ZC3H18: variants seen among roughly 807,000 people sequenced by gnomAD.
The protein encoded by ZC3H18 is zinc finger CCCH-type containing 18, also known as zinc finger CCCH domain-containing protein 18.
In ZC3H18, 8 loss-of-function variants were observed where a neutral mutation model predicts 106.1. The observed-to-expected ratio is 0.08, with a 90% CI of 0.04 to 0.14. ZC3H18 has a LOEUF of 0.14. Among genes scored for constraint, ZC3H18 ranks in the 10% least tolerant of loss-of-function variants. The pLI, the probability that ZC3H18 is intolerant of heterozygous loss-of-function variation, is 1.00. For missense variants in ZC3H18, 1,318 were observed against 1,278.4 expected (o/e 1.03, Z -0.47); for synonymous variants, 635 against 522.1 (o/e 1.22, Z -2.95).
At chr16:88,580,580 C>T (rs912701124) in intron 2 of ZC3H18, among the ~76,000 whole-genome samples, 2 of 152,152 alleles carry the variant, frequency 1.3e-5, no homozygotes, top group Admixed American at 6.5e-5. Context: ...CCAAGCCTGT[C>T]GTCCACTCTT....
intron 1 of ZC3H18, among the ~76,000 whole-genome samples, chr16:88,576,708 G>A (rs971957676): frequency 2.0e-5 from 3 of 152,162 alleles, no homozygotes; most frequent in Non-Finnish European, 4.4e-5. Flanking sequence ...TTGCTTCCTC[G>A]TTCCATGATA....
chr16:88,606,401 A>G (rs757644388), intron 6 of ZC3H18, among the ~76,000 whole-genome samples: 16 of 152,324 alleles, frequency 1.1e-4, no homozygotes, highest in Non-Finnish European at 1.9e-4. Context: ...CCTCATTCCT[A>G]TCCGCTCATC....
chr16:88,610,767 G>T (rs1905232180), intron 7 of ZC3H18, among the ~76,000 whole-genome samples: 2 of 152,242 alleles, frequency 1.3e-5, no homozygotes. Context: ...TGCTCCAGAG[G>T]CAGGGCATGT....
intron 8 of ZC3H18, among the ~76,000 whole-genome samples, chr16:88,616,528 G>A (rs561629976): frequency 5.9e-5 from 9 of 152,296 alleles, no homozygotes; most frequent in East Asian, 3.9e-4. Flanking sequence ...TGCCAGGCCC[G>A]CTACCTGCCT....
chr16:88,577,823 G>C, intron 2 of ZC3H18, 97 bp downstream of exon 2: 1 of 1,589,454 alleles, frequency 6.3e-7, no homozygotes, highest in Non-Finnish European at 8.5e-7. Context: ...GACTGACTTA[G>C]TGATTTGTTA....
intron 7 of ZC3H18, 173 bp downstream of exon 7, chr16:88,609,224 T>C (rs1905159009): frequency 6.6e-6 from 3 of 453,128 alleles, no homozygotes; most frequent in Non-Finnish European, 1.2e-5. Flanking sequence ...AGGCAGCGAT[T>C]ACATTAATGG....
intron 8 of ZC3H18, 42 bp downstream of exon 8, chr16:88,611,578 C>G: frequency 6.5e-7 from 1 of 1,539,812 alleles, no homozygotes; most frequent in Non-Finnish European, 8.8e-7. Context: ...GGGGGAGGTC[C>G]GGCATGCAGC....
At chr16:88,606,976 G>A (rs542720241) in intron 6 of ZC3H18, among the ~76,000 whole-genome samples, 1 of 152,310 alleles carries the variant, frequency 6.6e-6, no homozygotes, top group African/African-American at 2.4e-5. Context: ...CCCTGGAGGG[G>A]CGTCCAGGGA....
chr16:88,586,062 A>T (rs998708871), intron 2 of ZC3H18, among the ~76,000 whole-genome samples: 3 of 152,030 alleles, frequency 2.0e-5, no homozygotes, highest in African/African-American at 7.2e-5. Flanking sequence ...CCTGTGGGTG[A>T]GGCCCAGCTT....
intron 6 of ZC3H18, among the ~76,000 whole-genome samples, chr16:88,601,524 C>A (rs910496219): frequency 6.6e-6 from 1 of 151,954 alleles, no homozygotes; most frequent in Non-Finnish European, 1.5e-5. Flanking sequence ...TTTTGGAGTG[C>A]CCTCTGTGTG....
chr16:88,582,591 A>G (rs1915202366), intron 2 of ZC3H18, among the ~76,000 whole-genome samples: 1 of 152,104 alleles, frequency 6.6e-6, no homozygotes, highest in Non-Finnish European at 1.5e-5. Context: ...AAGTGCGCCC[A>G]TTCTATTGCC....
At chr16:88,572,781 G>A (rs1914492363) in intron 1 of ZC3H18, among the ~76,000 whole-genome samples, 1 of 151,554 alleles carries the variant, frequency 6.6e-6, no homozygotes, top group East Asian at 1.9e-4. Flanking sequence ...TTTTTGAAAC[G>A]GAGTCTCACT....
intron 1 of ZC3H18, among the ~76,000 whole-genome samples, chr16:88,575,195 T>A (rs1914671522): frequency 6.6e-6 from 1 of 151,970 alleles, no homozygotes; most frequent in South Asian, 2.1e-4. Flanking sequence ...AACTGTAGGT[T>A]GATACCAATT....
chr16:88,587,089 G>T (rs976494766), intron 3 of ZC3H18, among the ~76,000 whole-genome samples: 63 of 152,304 alleles, frequency 4.1e-4, no homozygotes, highest in African/African-American at 1.4e-3. Context: ...CGCTTTTCCT[G>T]CAAGATGTGT....
intron 13 of ZC3H18, chr16:88,626,319 A>C (rs1268819996): frequency 6.6e-6 from 1 of 152,160 alleles, no homozygotes; most frequent in East Asian, 1.9e-4. Context: ...TGGGAGGTCA[A>C]GGTTGAATGA....
chr16:88,575,043 A>T (rs548177568), intron 1 of ZC3H18, among the ~76,000 whole-genome samples: 11 of 149,552 alleles, frequency 7.4e-5, no homozygotes, highest in African/African-American at 2.2e-4. Flanking sequence ...GTTAGCCAGG[A>T]TGGTCTCGAT....
intron 8 of ZC3H18, among the ~76,000 whole-genome samples, chr16:88,613,004 AAATAAAAAG>A: frequency 6.6e-6 from 1 of 152,290 alleles, no homozygotes; most frequent in Admixed American, 6.5e-5. Flanking sequence ...TTCTGTCTCA[AAATAAAAAG>A]AAGAAACATT....
rs1904551722 is a variant in ZC3H18, at chr16:88,598,253, C to G, written c.764C>G (p.Thr255Ser). 6.2e-7 allele frequency: 1 copy of G among 1,613,700 alleles called. No individual in the cohort carries two copies. Among genetic ancestry groups the G allele is most frequent in the African/African-American group, 1.3e-5 (1 of 74,904 alleles). Residue 255 changes from threonine (T) to serine (S), a missense_variant, in exon 4 of 18, where the codon ACC (threonine) becomes AGC (serine). By Grantham distance (58) the Thr-to-Ser change is moderately conservative. Transcript: ENST00000301011. ...VNDKGNYSLI[T>S]KADPFPPNGA... ...GACAAGGGGAACTACTCCCTAATCA[C>G]CAAAGCCGACCCCTTCCCGCCTAAT...
chr16:88,586,711 C>T (rs753761398), intron 3 of ZC3H18, 27 bp downstream of exon 3: 12 of 1,605,054 alleles, frequency 7.5e-6, no homozygotes, highest in Middle Eastern at 1.7e-4. Flanking sequence ...GAGGCCTTCT[C>T]GCAGCCAGCT....
Sources: allele counts gnomAD v4.1 joint callset (sites outside exome capture counted in the v4.1 genomes callset), GRCh38; gene constraint gnomAD v4.1.1; transcripts MANE v1.5; gene names NCBI Gene and HGNC (gene_info 2026-07-23, HGNC 2026-07-21).